PLXND1: variants seen among roughly 807,000 people sequenced by gnomAD.
The protein encoded by PLXND1 is plexin D1.
PLXND1 carries 54 observed loss-of-function variants against 197.7 expected under a neutral mutation model. That is an observed-to-expected ratio of 0.27 (90% CI 0.22 to 0.34). The LOEUF (loss-of-function observed/expected upper bound fraction) is 0.34, where lower values mean the gene tolerates loss of function less well. Among genes scored for constraint, PLXND1 ranks in the 10% least tolerant of loss-of-function variants. The pLI is 1.00. For missense variants in PLXND1, 2,127 were observed against 2,699.2 expected (o/e 0.79, Z 4.70); for synonymous variants, 1,180 against 1,161.2 (o/e 1.02, Z -0.33).
Position 129,577,084 on chromosome 3 carries a change from G to A in PLXND1, c.2347-1229C>T, listed in dbSNP as rs534139286. Among the ~76,000 whole-genome samples the A allele has an allele frequency of 2.0e-5, 3 of 152,286 alleles. No homozygotes were observed. The highest frequency in any genetic ancestry group is 4.8e-5 in the African/African-American group (2 of 41,552). On this transcript the variant is annotated intron_variant, in intron 9 of 35. Coordinates refer to ENST00000324093, the MANE Select transcript of PLXND1 (RefSeq NM_015103.3). This position sits in a 1 kb window ranked among gnomAD's most constrained non-coding sequence, Gnocchi z 5.0. ...CTAACACAGGAAAGTGGCTGCTGAC[G>A]GGGCCAAAAGCCCGTTTTGTCCCCT...
chr3:129,589,310 T>TGGCACCCCCCCCCC, intron 2 of PLXND1, 41 bp downstream of exon 2: 2 of 501,292 alleles, frequency 4.0e-6, no homozygotes, highest in Non-Finnish European at 7.6e-6. Context: ...CAGGGGAGCC[T>TGGCACCCCCCCCCC]CCCACCCCCA....
At chr3:129,605,182 G>T (rs2085765581) in intron 1 of PLXND1, 147 bp downstream of exon 1, 3 of 384,794 alleles carry the variant, frequency 7.8e-6, no homozygotes, top group South Asian at 1.1e-4. Context: ...GTATTCTCGC[G>T]TGCACACCTG....
At position 129,560,504 on chromosome 3, in the gene PLXND1, C is replaced by G. The variant is rs926091839; in HGVS notation, c.5029-70G>C. On this transcript the variant is annotated intron_variant, in intron 30 of 35. Transcript: ENST00000324093. ...TCGGCCGCCTGTGGGAGGTCTGGCT[C>G]TGCCATGCTTCTTAGCACACAAGGG... 2.0e-5 allele frequency: 23 copies of G among 1,132,664 alleles called. No individual in the cohort carries two copies. The East Asian group carries it at 5.3e-4, about 26-fold the overall frequency. 70.2% of individuals were successfully genotyped at this position (1,132,664 alleles called of 1,614,324 possible). A position where few individuals can be genotyped will look rare whatever the true frequency, so the allele number is the denominator to read the frequency against.
chr3:129,590,841 C>T (rs2085529534), intron 1 of PLXND1, among the ~76,000 whole-genome samples: 1 of 152,168 alleles, frequency 6.6e-6, no homozygotes, highest in South Asian at 2.1e-4. Flanking sequence ...CAGACTTGAG[C>T]CCATGCCTCA....
intron 1 of PLXND1, among the ~76,000 whole-genome samples, chr3:129,590,579 C>T (rs889760147): frequency 6.6e-6 from 1 of 152,200 alleles, no homozygotes; most frequent in Non-Finnish European, 1.5e-5. Flanking sequence ...CATAAGCCCA[C>T]ACTGATTACA....
chr3:129,560,730 G>A lies in PLXND1; in HGVS notation c.4994-7C>T, dbSNP rs765564655. The A allele has an allele frequency of 1.9e-6, 3 of 1,557,736 alleles. No homozygotes were observed. Among genetic ancestry groups the A allele is most frequent in the Admixed American group, 1.7e-5 (1 of 59,934 alleles). ...TCTGTGTCCAAGTCTTTCACTGTGA[G>A]AGGAAAAACACAATAAATAAACACG... On this transcript the variant is annotated splice_polypyrimidine_tract_variant and splice_region_variant and intron_variant, in intron 29 of 35. Coordinates refer to ENST00000324093, the MANE Select transcript of PLXND1 (RefSeq NM_015103.3).
At position 129,558,407 on chromosome 3, in the gene PLXND1, C is replaced by G. The variant is rs765040493; in HGVS notation, c.5445+21G>C. The G allele has an allele frequency of 5.6e-6, 9 of 1,611,158 alleles. 1 individual carries two copies. The highest frequency in any genetic ancestry group is 1.3e-5 in the African/African-American group (1 of 75,048). ...CTCTGGCCCTGTGCATGGGCCTGGC[C>G]TGGTCCTGGGAACAGCTGACCTTGC... On this transcript the variant is annotated intron_variant, in intron 33 of 35. Coordinates refer to ENST00000324093, the MANE Select transcript of PLXND1 (RefSeq NM_015103.3). The surrounding 1 kb of genome is among the most constrained non-coding windows in gnomAD (Gnocchi z 4.1).
chr3:129,578,749 C>T (rs1430380047), intron 8 of PLXND1, among the ~76,000 whole-genome samples: 2 of 152,202 alleles, frequency 1.3e-5, no homozygotes, highest in African/African-American at 2.4e-5. Flanking sequence ...GGCTGAACTC[C>T]AGGCCCAGCT....
Position 129,572,624 on chromosome 3 carries a change from G to A in PLXND1, c.3062C>T (p.Pro1021Leu), listed in dbSNP as rs1167400911. Residue 1021 changes from proline (P) to leucine (L), a missense_variant, in exon 15 of 36, where the codon CCC (proline) becomes CTC (leucine). By Grantham distance (98) the Pro-to-Leu change is moderately conservative. Transcript: ENST00000324093. The stretch of plus-strand genomic sequence containing the variant: ...AGAGGCTTACATCAGCTCCGTGCAG[G>A]GGTCTGTGTCGTTCACCAGGACCTG... ...ELQVLVNDTD[P>L]CTELMRTDTS... 2 of 1,568,670 alleles carry A rather than the reference G, an allele frequency of 1.3e-6. No individual in the cohort carries two copies. Among genetic ancestry groups the A allele is most frequent in the South Asian group, 2.4e-5 (2 of 83,250 alleles).
chr3:129,606,484 C>A lies in PLXND1; in HGVS notation c.156G>T (p.Arg52=). 1 of 1,428,834 alleles carries A rather than the reference C, an allele frequency of 7.0e-7. No homozygotes were observed. Among genetic ancestry groups the A allele is most frequent in the South Asian group, 1.6e-5 (1 of 64,108 alleles). The allele number at this position is 1,428,834 out of a possible 1,614,324, so 88.5% of individuals were successfully genotyped here. A position where few individuals can be genotyped will look rare whatever the true frequency, so the allele number is the denominator to read the frequency against. ...TGTTGGTGGGCGTGGGCGAGGGGAA[C>A]CGACGCTGGATCTCCAGGGCGCCGG... ...ARAGALEIQR[R]FPSPTPTNNF... The change falls in exon 1 of 36, where the codon CGG becomes CGT. Residue 52 remains arginine, a synonymous_variant. Coordinates refer to ENST00000324093, the MANE Select transcript of PLXND1 (RefSeq NM_015103.3).
intron 2 of PLXND1, 65 bp from the exon 3 acceptor site, chr3:129,586,784 A>G: frequency 6.4e-7 from 1 of 1,554,542 alleles, no homozygotes; most frequent in Non-Finnish European, 8.7e-7. Context: ...CCAGGGGACA[A>G]CCTGAGCCCG....
Position 129,556,076 on chromosome 3 carries a change from T to A in PLXND1, c.*236A>T, listed in dbSNP as rs2084968467. Reference sequence around the variant, plus strand: ...GGGCAGATGGGGGAGCCTGACCAGCTCTCTGGCCTCCATCCCAGAGACTGA... The same window carrying A: ...GGGCAGATGGGGGAGCCTGACCAGCACTCTGGCCTCCATCCCAGAGACTGA... On this transcript the variant is annotated 3_prime_UTR_variant, in exon 36 of 36. Coordinates refer to ENST00000324093, the MANE Select transcript of PLXND1 (RefSeq NM_015103.3). 9.7e-6 allele frequency: 5 copies of A among 513,564 alleles called. No homozygotes were observed. The highest frequency in any genetic ancestry group is 1.8e-5 in the Non-Finnish European group (5 of 283,584). The allele number at this position is 513,564 out of a possible 1,614,324, so 31.8% of individuals were successfully genotyped here.
intron 16 of PLXND1, 21 bp downstream of exon 16, chr3:129,571,656 A>G (rs748753880): frequency 1.2e-6 from 2 of 1,613,760 alleles, no homozygotes; most frequent in Non-Finnish European, 1.7e-6. Context: ...GCCTGGGGGA[A>G]GGGCGGGGTG....
At chr3:129,570,021 A>C in intron 19 of PLXND1, 64 bp from the exon 20 acceptor site, 2 of 927,434 alleles carry the variant, frequency 2.2e-6, no homozygotes, top group Non-Finnish European at 1.8e-6. Context: ...TCTGCTCCTC[A>C]CTTGCTGTGT....
At chr3:129,569,988 C>T in intron 19 of PLXND1, 31 bp from the exon 20 acceptor site, 1 of 1,220,226 alleles carries the variant, frequency 8.2e-7, no homozygotes, top group Non-Finnish European at 1.2e-6. Flanking sequence ...GGGGTTGTAG[C>T]TTTCCTGGAC....
In PLXND1 at chr3:129,606,284, C is replaced by T. The variant is rs1445783177; in HGVS notation, c.356G>A (p.Arg119His). The T allele has an allele frequency of 6.5e-7, 1 of 1,532,938 alleles. No homozygotes were observed. The highest frequency in any genetic ancestry group is 1.2e-5 in the South Asian group (1 of 80,482). 95.0% of individuals were successfully genotyped at this position (1,532,938 alleles called of 1,614,324 possible). Reference protein sequence around the residue: ...LPQASCEHPRRLTDNYNKILQ... With the variant: ...LPQASCEHPRHLTDNYNKILQ... ...GATCTTGTTGTAGTTGTCCGTGAGG[C>T]GCCGCGGGTGCTCGCACGAGGCCTG... Residue 119 changes from arginine (R) to histidine (H), a missense_variant, in exon 1 of 36, where the codon CGC becomes CAC. By Grantham distance (29) the Arg-to-His change is conservative (BLOSUM62 0). Around this residue, in one of 6 missense-constraint regions of PLXND1, gnomAD observed 245 missense variants for 267.1 expected, o/e 0.92. Transcript: ENST00000324093.
chr3:129,575,786 C>CTT lies in PLXND1; in HGVS notation c.2415_2416insAA (p.Val806LysfsTer24). 6.2e-7 allele frequency: 1 copy of CTT among 1,613,036 alleles called. No homozygotes were observed. The highest frequency in any genetic ancestry group is 8.5e-7 in the Non-Finnish European group (1 of 1,179,086). On this transcript the variant is annotated frameshift_variant, in exon 10 of 36. Transcript: ENST00000324093. LOFTEE classifies it high-confidence loss of function. Reference sequence around the variant, plus strand: ...CTCACCACCACCTGGTCACAGCGTACAACAGACTCATTCACCCACACAGCC... The same window carrying CTT: ...CTCACCACCACCTGGTCACAGCGTACTTAACAGACTCATTCACCCACACAGCC...
At chr3:129,583,458 C>A (rs1006286642) in intron 8 of PLXND1, 109 bp downstream of exon 8, 2 of 711,960 alleles carry the variant, frequency 2.8e-6, no homozygotes, top group African/African-American at 1.8e-5. Flanking sequence ...GCTGTCAAAG[C>A]CAAAGCTAAG....
intron 2 of PLXND1, 39 bp downstream of exon 2, chr3:129,589,312 C>CCCCCCCCCCCCCCCCCCA: frequency 2.1e-6 from 1 of 481,102 alleles, no homozygotes; most frequent in Non-Finnish European, 4.0e-6. Flanking sequence ...GGGGAGCCTC[C>CCCCCCCCCCCCCCCCCCA]CACCCCCACC....
Sources: allele counts gnomAD v4.1 joint callset (sites outside exome capture counted in the v4.1 genomes callset), GRCh38; gene constraint gnomAD v4.1.1; regional missense constraint gnomAD v4.1.1; non-coding constraint Gnocchi (gnomAD v3.1); transcripts MANE v1.5; gene names NCBI Gene and HGNC (gene_info 2026-07-23, HGNC 2026-07-21).